Variants in PLXND1 observed in about 807,000 individuals in gnomAD.
PLXND1 encodes plexin-D1.
In PLXND1, 54 loss-of-function variants were observed where a neutral mutation model predicts 197.7. That is an observed-to-expected ratio of 0.27 (90% confidence interval 0.22 to 0.34). The LOEUF (loss-of-function observed/expected upper bound fraction) is 0.34, where lower values mean the gene tolerates loss of function less well. Among genes scored for constraint, PLXND1 ranks in the 10% least tolerant of loss-of-function variants. The pLI is 1.00. For missense variants in PLXND1, 2,127 were observed against 2,699.2 expected, an observed-to-expected ratio of 0.79 and a Z score of 4.70; for synonymous variants, 1,180 against 1,161.2, an observed-to-expected ratio of 1.02 and a Z score of -0.33.
At chr3:129,583,541 C>A in intron 8 of PLXND1, 26 bp downstream of exon 8, 1 of 1,487,554 alleles carries the variant, frequency 6.7e-7, no homozygotes. Flanking sequence ...ACAGCAGAGG[C>A]GGAGGGGCCC....
At position 129,556,264 on chromosome 3, in the gene PLXND1, T is replaced by C; in HGVS notation, c.*48A>G. 1 of 1,246,220 alleles carries C rather than the reference T, an allele frequency of 8.0e-7. No homozygotes were observed. The highest frequency in any genetic ancestry group is 1.2e-5 in the South Asian group (1 of 82,502). The allele number at this position is 1,246,220 out of a possible 1,614,324, so 77.2% of individuals were successfully genotyped here. A position where few individuals can be genotyped will look rare whatever the true frequency, so the allele number is the denominator to read the frequency against. ...GGTAGAAGATCAAGTTGAGGCCCAG[T>C]GGGCGTCCATTTCTCCCAGCAGCAG... On this transcript the variant is annotated 3_prime_UTR_variant, in exon 36 of 36. Transcript: ENST00000324093.
chr3:129,555,345 G>A lies in PLXND1; in HGVS notation c.*967C>T. ...TGCGAGGGGCCCGCATGGCCCATCG[G>A]CCACAGAGGGTCGTTTCTGGCAGGA... On this transcript the variant is annotated 3_prime_UTR_variant, in exon 36 of 36. Coordinates refer to ENST00000324093, the MANE Select transcript of PLXND1 (RefSeq NM_015103.3). The A allele has an allele frequency of 1.7e-6, 1 of 595,506 alleles. No homozygotes were observed. The highest frequency in any genetic ancestry group is 2.0e-5 in the African/African-American group (1 of 51,208). The allele number at this position is 595,506 out of a possible 1,614,324, so 36.9% of individuals were successfully genotyped here.
At chr3:129,580,668 TGGA>T (rs1452305332) in intron 8 of PLXND1, among the ~76,000 whole-genome samples, 1 of 151,908 alleles carries the variant, frequency 6.6e-6, no homozygotes, top group Non-Finnish European at 1.5e-5. Context: ...TGTGGCCAGG[TGGA>T]TGCTCACCCC....
At chr3:129,566,503 G>T in intron 23 of PLXND1, 24 bp downstream of exon 23, 1 of 1,416,182 alleles carries the variant, frequency 7.1e-7, no homozygotes, top group Non-Finnish European at 1.0e-6. Context: ...GCAGCCCACT[G>T]TGTGTGGGTC....
At chr3:129,583,117 G>A (rs1386825956) in intron 8 of PLXND1, among the ~76,000 whole-genome samples, 2 of 152,188 alleles carry the variant, frequency 1.3e-5, no homozygotes, top group Non-Finnish European at 2.9e-5. Flanking sequence ...GCCCAAGTCT[G>A]GTACTGCCTG....
chr3:129,556,715 G>A (rs1445202461), intron 34 of PLXND1, 24 bp from the exon 35 acceptor site: 1 of 1,556,898 alleles, frequency 6.4e-7, no homozygotes. Flanking sequence ...GGATGGGGAG[G>A]AGGTTAGCCC....
chr3:129,571,393 C>G, intron 17 of PLXND1, 90 bp from the exon 18 acceptor site: 1 of 1,534,724 alleles, frequency 6.5e-7, no homozygotes, highest in Non-Finnish European at 8.9e-7. Context: ...TGAGGAGACA[C>G]AGAGGCAGAG....
rs2084962937 is a variant in PLXND1 at position 129,555,628 on chromosome 3, CCT to C, written c.*682_*683del. 2 of 575,868 alleles carry C rather than the reference CCT, an allele frequency of 3.5e-6. No individual in the cohort carries two copies. The highest frequency in any genetic ancestry group is 6.1e-6 in the Non-Finnish European group (2 of 328,022). The allele number at this position is 575,868 out of a possible 1,614,324, so 35.7% of individuals were successfully genotyped here. A position where few individuals can be genotyped will look rare whatever the true frequency, so the allele number is the denominator to read the frequency against. Reference sequence around the variant, plus strand: ...GCTACAGCCTCGGTGCATCTTAACCCCTCTCCTTTTCCTGGAGACGGGGCTCC... The same window carrying C: ...GCTACAGCCTCGGTGCATCTTAACCCCTCCTTTTCCTGGAGACGGGGCTCC... On this transcript the variant is annotated 3_prime_UTR_variant, in exon 36 of 36. Transcript: ENST00000324093.
chr3:129,601,989 G>A (rs949107499), intron 1 of PLXND1, among the ~76,000 whole-genome samples: 10 of 152,156 alleles, frequency 6.6e-5, no homozygotes, highest in African/African-American at 2.4e-4. Context: ...CCCGGGAGGC[G>A]GCCTCAGCCT....
chr3:129,584,475 C>A lies in PLXND1; in HGVS notation c.1939G>T (p.Ala647Ser), dbSNP rs1415009907. Residue 647 changes from alanine to serine, a missense_variant, in exon 6 of 36, where the codon GCT (alanine) becomes TCT (serine). Ala to Ser is a moderately conservative substitution (Grantham distance 99, BLOSUM62 1). Coordinates refer to ENST00000324093, the MANE Select transcript of PLXND1 (RefSeq NM_015103.3). ...CCAAAGGCAGGGCCTGGGACCCGAGCCACAGTGCGGATGTTGTTCCCATAG... is the reference window on the plus strand; with the variant it reads ...CCAAAGGCAGGGCCTGGGACCCGAGACACAGTGCGGATGTTGTTCCCATAG... ...CDYGNNIRTV[A>S]RVPGPAFGHQ... 1.2e-6 allele frequency: 2 copies of A among 1,614,028 alleles called. No individual in the cohort carries two copies. Among genetic ancestry groups the A allele is most frequent in the Non-Finnish European group, 1.7e-6 (2 of 1,179,998 alleles).
intron 1 of PLXND1, among the ~76,000 whole-genome samples, chr3:129,596,655 T>G (rs995601206): frequency 2.6e-5 from 4 of 152,122 alleles, no homozygotes; most frequent in African/African-American, 9.7e-5. Flanking sequence ...AGCCGAGAAA[T>G]AGTTGCCTCT....
chr3:129,572,750 T>TG lies in PLXND1; in HGVS notation c.2938-3dup. ...CTCCAGGGAGTGGACCAGGGGCAGCTGTGGGAGGAAGGCAGGCGTTTGGGC... is the reference window on the plus strand; with the variant it reads ...CTCCAGGGAGTGGACCAGGGGCAGCTGGTGGGAGGAAGGCAGGCGTTTGGGC... On this transcript the variant is annotated splice_region_variant and splice_polypyrimidine_tract_variant and intron_variant, in intron 14 of 35. Transcript: ENST00000324093. 6.3e-7 allele frequency: 1 copy of TG among 1,599,698 alleles called. No individual in the cohort carries two copies. Among genetic ancestry groups the TG allele is most frequent in the Non-Finnish European group, 8.5e-7 (1 of 1,171,044 alleles).
chr3:129,565,694 G>A (rs2085129364), intron 24 of PLXND1, among the ~76,000 whole-genome samples, 156 bp from the exon 25 acceptor site: 1 of 152,184 alleles, frequency 6.6e-6, no homozygotes, highest in African/African-American at 2.4e-5. Flanking sequence ...TCCTCCTGGA[G>A]AAACAGCCAC....
chr3:129,590,501 C>T (rs960486177), intron 1 of PLXND1, among the ~76,000 whole-genome samples: 12 of 152,144 alleles, frequency 7.9e-5, no homozygotes, highest in African/African-American at 2.4e-4. Context: ...ACACATGTGT[C>T]GGATGGGACT....
rs2085010900 is a variant in PLXND1 at position 129,558,733 on chromosome 3, G to A, written c.5298-158C>T. On this transcript the variant is annotated intron_variant, in intron 32 of 35. Coordinates refer to ENST00000324093, the MANE Select transcript of PLXND1 (RefSeq NM_015103.3). This position sits in a 1 kb window ranked among gnomAD's most constrained non-coding sequence, Gnocchi z 4.1. ...TGGGAACCTTAGTTTGCCTATCCCT[G>A]GCCAGCTGGGGTGCAGTGGGGCTGA... 1 of 675,660 alleles carries A rather than the reference G, an allele frequency of 1.5e-6. No individual in the cohort carries two copies. Among genetic ancestry groups the A allele is most frequent in the African/African-American group, 1.8e-5 (1 of 55,448 alleles). The allele number at this position is 675,660 out of a possible 1,614,324, so 41.9% of individuals were successfully genotyped here. A position where few individuals can be genotyped will look rare whatever the true frequency, so the allele number is the denominator to read the frequency against.
In PLXND1 at chr3:129,561,935, G is replaced by A. The variant is rs768400621; in HGVS notation, c.4826-32C>T. Reference sequence around the variant, plus strand: ...GACAAGGGACAGGCCATCAGGGTCCGGGCAGGGAGCTGGGCCTGAGGGGTA... The same window carrying A: ...GACAAGGGACAGGCCATCAGGGTCCAGGCAGGGAGCTGGGCCTGAGGGGTA... On this transcript the variant is annotated intron_variant, in intron 27 of 35. Coordinates refer to ENST00000324093, the MANE Select transcript of PLXND1 (RefSeq NM_015103.3). 29 of 1,519,008 alleles carry A rather than the reference G, an allele frequency of 1.9e-5. No individual in the cohort carries two copies. In the African/African-American group the frequency reaches 2.9e-4, roughly 15 times the overall value. 94.1% of individuals were successfully genotyped at this position (1,519,008 alleles called of 1,614,324 possible). A position where few individuals can be genotyped will look rare whatever the true frequency, so the allele number is the denominator to read the frequency against.
At chr3:129,564,569 G>A (rs934470126) in intron 25 of PLXND1, among the ~76,000 whole-genome samples, 1 of 152,332 alleles carries the variant, frequency 6.6e-6, no homozygotes, top group Non-Finnish European at 1.5e-5. Context: ...AATCCTCCAG[G>A]CAGCCCTCTA....
Position 129,606,383 on chromosome 3 carries a change from T to C in PLXND1, c.257A>G (p.Asn86Ser). ...VNRLYQLSGA[N>S]LSLEAEAAVG... ...GGCCGCCTCGGCCTCCAGGCTCAGG[T>C]TGGCGCCCGACAGCTGATAGAGGCG... The change falls in exon 1 of 36, where the codon AAC (asparagine) becomes AGC (serine). Residue 86 changes from asparagine (N) to serine (S), a missense_variant. This residue lies in a region of PLXND1 where 245 missense variants were observed against 267.1 expected (regional missense o/e 0.92). Transcript: ENST00000324093. The C allele has an allele frequency of 6.6e-7, 1 of 1,509,906 alleles. No individual in the cohort carries two copies. The highest frequency in any genetic ancestry group is 2.2e-5 in the Admixed American group (1 of 45,108). 93.5% of individuals were successfully genotyped at this position (1,509,906 alleles called of 1,614,324 possible).
chr3:129,595,601 A>G (rs1227995501), intron 1 of PLXND1, among the ~76,000 whole-genome samples: 1 of 152,196 alleles, frequency 6.6e-6, no homozygotes, highest in Non-Finnish European at 1.5e-5. Context: ...CAAACGGCAA[A>G]GGACACAGCA....
Sources: gnomAD v4.1 joint callset for allele counts (sites outside exome capture counted in the v4.1 genomes callset) on GRCh38, gnomAD v4.1.1 for gene constraint, gnomAD v4.1.1 regional missense constraint, Gnocchi (gnomAD v3.1) non-coding constraint, MANE v1.5 for transcripts, NCBI Gene and HGNC (gene_info 2026-07-23, HGNC 2026-07-21) for gene names.